The following DLG2 variants were observed in gnomAD, a reference collection of about 807,000 sequenced individuals.
The protein encoded by DLG2 is disks large homolog 2.
DLG2 carries 45 observed loss-of-function variants against 132.5 expected under a neutral mutation model. The observed-to-expected ratio is 0.34, with a 90% CI of 0.27 to 0.44. DLG2 has a LOEUF of 0.44. DLG2 is among the 20% of genes least tolerant of loss of function. DLG2 has a pLI of 1.00. For missense variants in DLG2, 1,045 were observed against 1,196.9 expected, an observed-to-expected ratio of 0.87 and a Z score of 1.87; for synonymous variants, 424 against 419.6, an observed-to-expected ratio of 1.01 and a Z score of -0.13.
intron 3 of DLG2, among the ~76,000 whole-genome samples, chr11:85,589,886 C>G (rs772685505): frequency 6.6e-6 from 1 of 152,012 alleles, no homozygotes; most frequent in Non-Finnish European, 1.5e-5. Context: ...ACATTCTGCT[C>G]AAGAGAGTTT....
chr11:84,498,915 G>A (rs1441233949), intron 7 of DLG2, among the ~76,000 whole-genome samples: 1 of 152,148 alleles, frequency 6.6e-6, no homozygotes, highest in Non-Finnish European at 1.5e-5. Flanking sequence ...TGAGGTGTGA[G>A]GGCCAGGTAC....
chr11:84,403,993 A>G (rs2098839772), intron 7 of DLG2, among the ~76,000 whole-genome samples: 1 of 152,116 alleles, frequency 6.6e-6, no homozygotes, highest in Admixed American at 6.6e-5. Flanking sequence ...ATATTTTTAT[A>G]TCACTCTTAT....
chr11:84,826,204 C>T (rs2078309595), intron 6 of DLG2, among the ~76,000 whole-genome samples: 1 of 151,796 alleles, frequency 6.6e-6, no homozygotes. Context: ...TCAAACAATC[C>T]AATTACACTC....
intron 6 of DLG2, among the ~76,000 whole-genome samples, chr11:84,601,246 C>T (rs1173079760): frequency 3.9e-5 from 6 of 152,092 alleles, no homozygotes; most frequent in South Asian, 2.1e-4. Flanking sequence ...CACACACACA[C>T]GCACTCATGC....
At chr11:84,001,228 A>C (rs1041469894) in intron 11 of DLG2, among the ~76,000 whole-genome samples, 4 of 151,892 alleles carry the variant, frequency 2.6e-5, no homozygotes, top group African/African-American at 9.7e-5. Context: ...ACATGAAGAC[A>C]CAAAATAAAG....
chr11:84,714,780 C>T (rs368732610), intron 6 of DLG2, among the ~76,000 whole-genome samples: 3 of 151,262 alleles, frequency 2.0e-5, no homozygotes, highest in Non-Finnish European at 2.9e-5. Context: ...CTGGTAACTA[C>T]GGAGATTGGA....
intron 21 of DLG2, among the ~76,000 whole-genome samples, chr11:83,511,002 G>A (rs12275427): frequency 1.6e-3 from 213 of 136,436 alleles, no homozygotes; most frequent in African/African-American, 4.3e-3. Context: ...ATAAAACACC[G>A]CAAACTGCCC....
intron 18 of DLG2, among the ~76,000 whole-genome samples, chr11:83,668,133 C>G (rs1001414827): frequency 2.7e-5 from 4 of 148,440 alleles, no homozygotes; most frequent in Non-Finnish European, 4.4e-5. Flanking sequence ...AATGAGGGCA[C>G]TCAGGCTGAT....
chr11:83,887,365 C>T (rs1277021291), intron 15 of DLG2, among the ~76,000 whole-genome samples: 1 of 151,890 alleles, frequency 6.6e-6, no homozygotes, highest in African/African-American at 2.4e-5. Context: ...TGGATAAATT[C>T]CTCGACACAT....
At chr11:83,785,196 A>G (rs2094998200) in intron 18 of DLG2, among the ~76,000 whole-genome samples, 1 of 151,978 alleles carries the variant, frequency 6.6e-6, no homozygotes, top group African/African-American at 2.4e-5. Flanking sequence ...CTGGGACTAC[A>G]GGTGCCAGCT....
intron 5 of DLG2, among the ~76,000 whole-genome samples, chr11:85,113,105 C>G (rs999923209): frequency 1.3e-5 from 2 of 151,932 alleles, no homozygotes; most frequent in African/African-American, 4.8e-5. Flanking sequence ...TCATCAATCT[C>G]CATGATCAAT....
intron 6 of DLG2, among the ~76,000 whole-genome samples, chr11:84,719,227 A>G (rs1207120559): frequency 1.3e-5 from 2 of 152,194 alleles, no homozygotes; most frequent in African/African-American, 4.8e-5. Flanking sequence ...TTTACTGCCT[A>G]AGGTGCTTAC....
chr11:83,974,538 G>A (rs1283286781), intron 12 of DLG2, among the ~76,000 whole-genome samples: 1 of 151,980 alleles, frequency 6.6e-6, no homozygotes, highest in Non-Finnish European at 1.5e-5. Context: ...TCACTTACTT[G>A]ATGGCAGGAC....
chr11:84,550,871 G>C (rs975380693), intron 6 of DLG2, among the ~76,000 whole-genome samples: 2 of 152,118 alleles, frequency 1.3e-5, no homozygotes, highest in South Asian at 2.1e-4. Flanking sequence ...AATTCTAGTT[G>C]CGTTAGGTAA....
chr11:84,320,808 G>A (rs368246433), intron 7 of DLG2, among the ~76,000 whole-genome samples: 1 of 152,120 alleles, frequency 6.6e-6, no homozygotes, highest in East Asian at 1.9e-4. Flanking sequence ...AAAATGTCCC[G>A]AATTGTAACT....
intron 6 of DLG2, among the ~76,000 whole-genome samples, chr11:84,565,312 T>C (rs1298752871): frequency 6.6e-6 from 1 of 152,166 alleles, no homozygotes; most frequent in Admixed American, 6.5e-5. Context: ...GCATCATGAC[T>C]ATAGGGATTT....
chr11:83,606,621 G>C lies in DLG2; in HGVS notation c.1940+26590C>G, dbSNP rs553317735. 2.2e-5 allele frequency among the ~76,000 whole-genome samples: 3 copies of C among 138,690 alleles called. No individual in the cohort carries two copies. In the East Asian group the frequency reaches 6.4e-4, roughly 30 times the overall value. The allele number at this position is 138,690 out of a possible 152,430, so 91.0% of individuals were successfully genotyped here. A position where few individuals can be genotyped will look rare whatever the true frequency, so the allele number is the denominator to read the frequency against. On this transcript the variant is annotated intron_variant, in intron 19 of 27. Transcript: ENST00000376104. The stretch of plus-strand genomic sequence containing the variant: ...GAGCTACTGCTACTTGAAAACATAC[G>C]TTAGTGTTTGTTAAAAAAAAAAAAG...
chr11:83,910,883 T>C (rs2075920883), intron 15 of DLG2, among the ~76,000 whole-genome samples: 1 of 152,084 alleles, frequency 6.6e-6, no homozygotes, highest in African/African-American at 2.4e-5. Flanking sequence ...ATTCTACTTT[T>C]ATGGGGATAC....
At chr11:85,203,300 A>G (rs1344642939) in intron 4 of DLG2, among the ~76,000 whole-genome samples, 1 of 151,752 alleles carries the variant, frequency 6.6e-6, no homozygotes, top group Non-Finnish European at 1.5e-5. Flanking sequence ...TTAAGACAAA[A>G]AAAGAGAAGA....
Sources: allele counts gnomAD v4.1 joint callset (sites outside exome capture counted in the v4.1 genomes callset), GRCh38; gene constraint gnomAD v4.1.1; transcripts MANE v1.5; gene names NCBI Gene and HGNC (gene_info 2026-07-23, HGNC 2026-07-21).